Variants in NCALD observed in about 807,000 individuals in gnomAD.
NCALD encodes neurocalcin-delta.
In NCALD, 10 loss-of-function variants were observed where a neutral mutation model predicts 18.6. The ratio of observed to expected loss-of-function variants is 0.54; its 90% CI spans 0.33 to 0.91. NCALD has a LOEUF of 0.91. Among genes scored for constraint, NCALD ranks in the 40% least tolerant of loss-of-function variants. The pLI is 0.03. For synonymous variants in NCALD, 88 were observed against 87.4 expected (o/e 1.01, Z -0.04); for missense variants, 184 against 247.6 (o/e 0.74, Z 1.72).
intron 1 of NCALD, among the ~76,000 whole-genome samples, chr8:101,745,168 A>G (rs540465793): frequency 3.3e-5 from 5 of 152,272 alleles, no homozygotes; most frequent in East Asian, 1.9e-4. Context: ...CCTATTATGC[A>G]TGCTCCACCA....
intron 1 of NCALD, among the ~76,000 whole-genome samples, chr8:102,026,792 A>C (rs1822474080): frequency 1.3e-5 from 2 of 152,242 alleles, no homozygotes; most frequent in Admixed American, 1.3e-4. Flanking sequence ...GTTCTCCATG[A>C]GGGCTCTGCC....
chr8:102,040,617 G>C (rs368272545), intron 1 of NCALD, among the ~76,000 whole-genome samples: 16 of 152,252 alleles, frequency 1.1e-4, no homozygotes, highest in African/African-American at 3.8e-4. Context: ...GATTAGAATG[G>C]GGGAAAACAG....
At chr8:101,778,118 C>A (rs1308087895) in intron 1 of NCALD, among the ~76,000 whole-genome samples, 2 of 152,212 alleles carry the variant, frequency 1.3e-5, no homozygotes, top group Non-Finnish European at 2.9e-5. Context: ...AAAATAAAGC[C>A]TTCCTGGTCC....
chr8:101,911,543 A>T (rs897257545), intron 3 of NCALD, among the ~76,000 whole-genome samples: 1 of 151,650 alleles, frequency 6.6e-6, no homozygotes, highest in African/African-American at 2.4e-5. Context: ...TTTTCAGTAG[A>T]GATGGGGTTT....
chr8:101,841,487 A>G (rs114589727), intron 4 of NCALD, among the ~76,000 whole-genome samples: 3,196 of 152,186 alleles, frequency 0.021, 87 homozygotes, highest in African/African-American at 0.071. Context: ...TCTGGCCCCT[A>G]CCCATTAGGT....
intron 4 of NCALD, among the ~76,000 whole-genome samples, chr8:101,844,701 C>T (rs1225410481): frequency 6.6e-6 from 1 of 152,088 alleles, no homozygotes; most frequent in Non-Finnish European, 1.5e-5. Flanking sequence ...GAGCAATGTT[C>T]TTTCAGATGA....
At chr8:102,046,797 C>CTTT (rs111776091) in intron 1 of NCALD, among the ~76,000 whole-genome samples, 1 of 142,428 alleles carries the variant, frequency 7.0e-6, no homozygotes. Flanking sequence ...GTTTTTTTTC[C>CTTT]TTTTTTTTTT....
At chr8:101,942,238 G>A (rs1818986798) in intron 2 of NCALD, among the ~76,000 whole-genome samples, 1 of 152,152 alleles carries the variant, frequency 6.6e-6, no homozygotes, top group Non-Finnish European at 1.5e-5. Context: ...CAGATGCACT[G>A]GAAGAGTCTT....
intron 1 of NCALD, among the ~76,000 whole-genome samples, chr8:102,024,386 G>C (rs965670621): frequency 6.6e-6 from 1 of 152,158 alleles, no homozygotes; most frequent in African/African-American, 2.4e-5. Context: ...AAAATATTCA[G>C]AGAGAACTTC....
chr8:102,083,519 A>G (rs568830420), intron 1 of NCALD, among the ~76,000 whole-genome samples: 2 of 152,280 alleles, frequency 1.3e-5, no homozygotes, highest in Non-Finnish European at 2.9e-5. Flanking sequence ...TATTCTTTTT[A>G]TCTTTAACTT....
chr8:101,709,943 T>C (rs889134918), intron 2 of NCALD, among the ~76,000 whole-genome samples: 1 of 152,260 alleles, frequency 6.6e-6, no homozygotes, highest in African/African-American at 2.4e-5. Context: ...ATCATGTTCC[T>C]AAATTTGTCA....
chr8:101,991,905 G>A (rs1368221686), intron 2 of NCALD, among the ~76,000 whole-genome samples: 8 of 152,166 alleles, frequency 5.3e-5, no homozygotes, highest in Non-Finnish European at 8.8e-5. Flanking sequence ...CCCTCAGAAA[G>A]GTGTCTCACT....
At chr8:101,743,295 G>A (rs1369163457) in intron 1 of NCALD, among the ~76,000 whole-genome samples, 2 of 152,150 alleles carry the variant, frequency 1.3e-5, no homozygotes, top group Admixed American at 6.5e-5. Flanking sequence ...AGCATGATAT[G>A]GGATGGAATG....
intron 2 of NCALD, among the ~76,000 whole-genome samples, chr8:101,706,184 A>G (rs1252219308): frequency 6.6e-6 from 1 of 152,224 alleles, no homozygotes; most frequent in Non-Finnish European, 1.5e-5. Flanking sequence ...AGGAATGCAC[A>G]GGAATGAAAA....
chr8:102,082,113 G>A (rs1281346972), intron 1 of NCALD, among the ~76,000 whole-genome samples: 2 of 151,630 alleles, frequency 1.3e-5, no homozygotes, highest in Admixed American at 1.3e-4. Flanking sequence ...CTACCTCTAA[G>A]AGTGCAAAAA....
At chr8:101,816,175 T>C (rs1813487264) in intron 4 of NCALD, among the ~76,000 whole-genome samples, 1 of 152,164 alleles carries the variant, frequency 6.6e-6, no homozygotes, top group African/African-American at 2.4e-5. Context: ...AGAGTATTTT[T>C]ATGGCAATGA....
intron 1 of NCALD, among the ~76,000 whole-genome samples, chr8:102,120,263 G>T (rs546908112): frequency 6.6e-6 from 1 of 152,120 alleles, no homozygotes; most frequent in African/African-American, 2.4e-5. Flanking sequence ...ACAATTTTCT[G>T]CTGAAGAAAC....
At chr8:101,953,939 G>A (rs1819527034) in intron 2 of NCALD, among the ~76,000 whole-genome samples, 1 of 152,202 alleles carries the variant, frequency 6.6e-6, no homozygotes, top group Non-Finnish European at 1.5e-5. Context: ...GAGAAGTCTT[G>A]TAGAGGGCAG....
chr8:101,692,750 A>T (rs1814788162), intron 3 of NCALD, 41 bp downstream of exon 3: 1 of 1,555,948 alleles, frequency 6.4e-7, no homozygotes, highest in Non-Finnish European at 8.9e-7. Context: ...TCCTTCCAGC[A>T]GCCCCCATCT....
Sources: gnomAD v4.1 joint callset for allele counts (sites outside exome capture counted in the v4.1 genomes callset) on GRCh38, gnomAD v4.1.1 for gene constraint, MANE v1.5 for transcripts, NCBI Gene and HGNC (gene_info 2026-07-23, HGNC 2026-07-21) for gene names.